Variants in ANKS1B observed in about 807,000 individuals in gnomAD.
The protein encoded by ANKS1B is ankyrin repeat and sterile alpha motif domain-containing protein 1B.
Under a neutral mutation model 148.3 loss-of-function variants are expected in ANKS1B, and 36 were observed. The observed-to-expected ratio is 0.24, with a 90% CI of 0.19 to 0.32. ANKS1B has a LOEUF of 0.32. Ranked by LOEUF, ANKS1B falls within the 10% of genes least tolerant of loss-of-function variation. The pLI, the probability that ANKS1B is intolerant of heterozygous loss-of-function variation, is 1.00. For synonymous variants in ANKS1B, 542 were observed against 560.8 expected (o/e 0.97, Z 0.47); for missense variants, 1,157 against 1,542.6 (o/e 0.75, Z 4.19).
chr12:99,760,927 C>T (rs2062036002), intron 8 of ANKS1B, among the ~76,000 whole-genome samples: 1 of 150,662 alleles, frequency 6.6e-6, no homozygotes, highest in South Asian at 2.1e-4. Context: ...CATATATATA[C>T]AAACTAGAAA....
At chr12:99,538,461 G>T (rs1252026588) in intron 9 of ANKS1B, among the ~76,000 whole-genome samples, 3 of 152,126 alleles carry the variant, frequency 2.0e-5, no homozygotes, top group Admixed American at 6.5e-5. Flanking sequence ...TTTCATCATA[G>T]AGATCATTCA....
intron 14 of ANKS1B, among the ~76,000 whole-genome samples, chr12:99,169,188 T>C (rs752922840): frequency 6.6e-6 from 1 of 152,212 alleles, no homozygotes; most frequent in Non-Finnish European, 1.5e-5. Flanking sequence ...AATGAGTTTA[T>C]CATTTAGAGA....
At chr12:99,526,021 G>C (rs1000284077) in intron 9 of ANKS1B, among the ~76,000 whole-genome samples, 1 of 151,928 alleles carries the variant, frequency 6.6e-6, no homozygotes, top group African/African-American at 2.4e-5. Context: ...AAGATTACAG[G>C]CAGTTGTAAA....
At chr12:99,674,911 C>G (rs2098555261) in intron 8 of ANKS1B, among the ~76,000 whole-genome samples, 1 of 151,530 alleles carries the variant, frequency 6.6e-6, no homozygotes, top group Non-Finnish European at 1.5e-5. Flanking sequence ...CTCTATATAC[C>G]AGTAAGAAAA....
chr12:99,217,414 T>C (rs765727794), intron 14 of ANKS1B, among the ~76,000 whole-genome samples: 13 of 152,050 alleles, frequency 8.5e-5, no homozygotes, highest in Middle Eastern at 3.2e-3. Context: ...CCAATACCCA[T>C]GGAAATGTTT....
Position 99,306,597 on chromosome 12 carries a change from T to C in ANKS1B, c.1757-59733A>G, listed in dbSNP as rs546936959. On this transcript the variant is annotated intron_variant, in intron 12 of 26. Transcript: ENST00000683438. ...ATCCAGGTTTTTATCAACTGGATGCTGTCTAGCATATCAAAGACATTTTAA... is the reference window on the plus strand; with the variant it reads ...ATCCAGGTTTTTATCAACTGGATGCCGTCTAGCATATCAAAGACATTTTAA... 2.6e-5 allele frequency among the ~76,000 whole-genome samples: 4 copies of C among 152,264 alleles called. No individual in the cohort carries two copies. In the East Asian group the frequency reaches 7.7e-4, roughly 29 times the overall value.
intron 17 of ANKS1B, among the ~76,000 whole-genome samples, chr12:98,920,726 A>G (rs1174456929): frequency 2.6e-5 from 4 of 152,222 alleles, no homozygotes; most frequent in African/African-American, 9.7e-5. Flanking sequence ...AGAAAAATTT[A>G]TAAGTCTTGG....
chr12:99,767,057 C>T lies in ANKS1B; in HGVS notation c.1128+5865G>A, dbSNP rs573446677. Reference sequence around the variant, plus strand: ...TAAGTATATTTTCCAAAAGTAGGGACCTCACTCCCAGAGAGTATTCTCAAG... The same window carrying T: ...TAAGTATATTTTCCAAAAGTAGGGATCTCACTCCCAGAGAGTATTCTCAAG... On this transcript the variant is annotated intron_variant, in intron 8 of 26. Coordinates refer to ENST00000683438, the MANE Select transcript of ANKS1B (RefSeq NM_001352186.2). 2.6e-5 allele frequency among the ~76,000 whole-genome samples: 4 copies of T among 152,032 alleles called. No individual in the cohort carries two copies. In the East Asian group the frequency reaches 7.7e-4, roughly 29 times the overall value.
At chr12:98,888,401 C>T (rs1271407194) in intron 17 of ANKS1B, among the ~76,000 whole-genome samples, 1 of 152,170 alleles carries the variant, frequency 6.6e-6, no homozygotes, top group Non-Finnish European at 1.5e-5. Flanking sequence ...TCTGTGTGGT[C>T]CCACCTGTGT....
At chr12:99,875,183 A>T (rs1031935338) in intron 1 of ANKS1B, among the ~76,000 whole-genome samples, 2 of 152,074 alleles carry the variant, frequency 1.3e-5, no homozygotes, top group African/African-American at 4.8e-5. Context: ...CTGTTAGAAA[A>T]CTGCAGCTTC....
At chr12:99,349,875 T>C (rs989784273) in intron 12 of ANKS1B, among the ~76,000 whole-genome samples, 1 of 152,056 alleles carries the variant, frequency 6.6e-6, no homozygotes, top group Non-Finnish European at 1.5e-5. Context: ...ATATGGATGA[T>C]GGATATACAA....
intron 12 of ANKS1B, among the ~76,000 whole-genome samples, chr12:99,327,335 T>C (rs1323187194): frequency 7.9e-6 from 1 of 126,790 alleles, no homozygotes; most frequent in Admixed American, 9.4e-5. Context: ...TTATATATAA[T>C]TATATATTAT....
In ANKS1B at chr12:99,590,134, T is replaced by C. The variant is rs548769145; in HGVS notation, c.1272+64933A>G. 1.2e-4 allele frequency among the ~76,000 whole-genome samples: 19 copies of C among 152,206 alleles called. No homozygotes were observed. The South Asian group carries it at 3.7e-3, about 30-fold the overall frequency. On this transcript the variant is annotated intron_variant, in intron 9 of 26. Transcript: ENST00000683438. ...TATGTATTTATTTTAAAAATTCCAA[T>C]TTTGAGCACATATAAACATATATAG...
At chr12:99,784,141 C>A (rs1401945913) in intron 4 of ANKS1B, among the ~76,000 whole-genome samples, 1 of 151,664 alleles carries the variant, frequency 6.6e-6, no homozygotes, top group Admixed American at 6.6e-5. Context: ...AAACCTCATA[C>A]CCTATGCTCC....
At chr12:98,950,952 A>G (rs1030899673) in intron 17 of ANKS1B, among the ~76,000 whole-genome samples, 6 of 152,078 alleles carry the variant, frequency 3.9e-5, no homozygotes, top group Non-Finnish European at 8.8e-5. Context: ...CTTCTAGAAC[A>G]TCTCTTATTT....
intron 3 of ANKS1B, among the ~76,000 whole-genome samples, chr12:99,810,854 C>T (rs1022150800): frequency 3.3e-5 from 5 of 151,810 alleles, no homozygotes; most frequent in South Asian, 2.1e-4. Flanking sequence ...TTCAGGTTTG[C>T]TTTGCAGTAT....
chr12:99,853,160 C>T (rs948523900), intron 1 of ANKS1B, among the ~76,000 whole-genome samples: 1 of 152,118 alleles, frequency 6.6e-6, no homozygotes, highest in Non-Finnish European at 1.5e-5. Flanking sequence ...AGGACAATCT[C>T]TTAGGAGCGC....
chr12:99,581,897 CAA>C (rs369048602), intron 9 of ANKS1B, among the ~76,000 whole-genome samples: 1 of 60,752 alleles, frequency 1.6e-5, no homozygotes, highest in Non-Finnish European at 3.6e-5. Flanking sequence ...GACTCCGTCT[CAA>C]AAAAAAAAAA....
At chr12:99,213,818 C>T (rs1271309461) in intron 14 of ANKS1B, among the ~76,000 whole-genome samples, 4 of 152,172 alleles carry the variant, frequency 2.6e-5, no homozygotes, top group African/African-American at 7.2e-5. Flanking sequence ...TCTGCCTTCA[C>T]CTGAGTATCA....
Sources: gnomAD v4.1 joint callset for allele counts (sites outside exome capture counted in the v4.1 genomes callset) on GRCh38, gnomAD v4.1.1 for gene constraint, MANE v1.5 for transcripts, NCBI Gene and HGNC (gene_info 2026-07-23, HGNC 2026-07-21) for gene names.